The following C10orf105 variants were observed in gnomAD, a reference collection of about 807,000 sequenced individuals.
The protein encoded by C10orf105 is uncharacterized protein C10orf105.
Under a neutral mutation model 0.6 loss-of-function variants are expected in C10orf105, and 2 were observed. The ratio of observed to expected loss-of-function variants is 3.18; its 90% CI spans 1.30 to 10.01. C10orf105 has a LOEUF of 10.01. Among genes scored for constraint, C10orf105 ranks in the 30% most tolerant of loss-of-function variants. C10orf105 has a pLI of 0.04. For missense variants in C10orf105, 209 were observed against 191.4 expected (o/e 1.09, Z -0.54); for synonymous variants, 95 against 82.4 (o/e 1.15, Z -0.83).
chr10:71,724,692 G>A (rs771325318), upstream of C10orf105, among the ~76,000 whole-genome samples: 8 of 152,316 alleles, frequency 5.3e-5, no homozygotes, highest in South Asian at 4.1e-4. Context: ...CAGAGCCCAG[G>A]GCAGCCCCCA....
At chr10:71,732,693 A>G (rs1326422506) in intron 1 of C10orf105, 2 of 1,307,902 alleles carry the variant, frequency 1.5e-6, no homozygotes, top group East Asian at 3.2e-5. Context: ...CCATTTTCAT[A>G]TGTAGGAGTA....
chr10:71,722,735 T>C (rs569008970), upstream of C10orf105, among the ~76,000 whole-genome samples: 4 of 152,180 alleles, frequency 2.6e-5, no homozygotes, highest in African/African-American at 9.6e-5. Flanking sequence ...CTGAAGGAGA[T>C]GAGGGCATGA....
rs773827025 is a variant in C10orf105, at chr10:71,734,263, G to C, written c.-6+3465C>G. The C allele has an allele frequency of 4.3e-6, 7 of 1,611,798 alleles. No individual in the cohort carries two copies. The South Asian group carries it at 4.4e-5, about 10-fold the overall frequency. On this transcript the variant is annotated intron_variant, in intron 1 of 1. Transcript: ENST00000398786. ...AGGGTGTGATCACAGTCCAGGGCCT[G>C]GTGGACCGTGAGAAGGGCGACTTCT...
chr10:71,734,381 A>G (rs758946050), intron 1 of C10orf105: 15 of 1,563,242 alleles, frequency 9.6e-6, no homozygotes, highest in Admixed American at 1.9e-5. Context: ...GGTGCGGCCC[A>G]TCGCTGGCCA....
At chr10:71,726,363 T>C (rs1779657388) in intron 1 of C10orf105, among the ~76,000 whole-genome samples, 1 of 151,956 alleles carries the variant, frequency 6.6e-6, no homozygotes, top group Admixed American at 6.6e-5. Flanking sequence ...ACCCCCTGCT[T>C]CCCCCAGGCT....
At position 71,730,924 on chromosome 10, in the gene C10orf105, G is replaced by A. The variant is rs61852058; in HGVS notation, c.-6+6804C>T. On this transcript the variant is annotated intron_variant, in intron 1 of 1. Transcript: ENST00000398786. The stretch of plus-strand genomic sequence containing the variant: ...GAGAGGGGCTGGGCAGAGCTGGGAG[G>A]GGTAAAGAGGACCGGTCAGAAAGCT... Among the ~76,000 whole-genome samples, 28,048 of 152,208 alleles carry A rather than the reference G, an allele frequency of 0.18. 2,761 individuals are homozygous for A. The highest frequency in any genetic ancestry group is 0.35 in the South Asian group (1,705 of 4,820).
At chr10:71,725,626 T>A in intron 1 of C10orf105, 1 of 1,290,654 alleles carries the variant, frequency 7.7e-7, no homozygotes, top group Non-Finnish European at 1.1e-6. Flanking sequence ...GGGCCACCAC[T>A]GATTTAGGTG....
At chr10:71,732,442 T>C (rs1183519596) in intron 1 of C10orf105, 1 of 1,541,446 alleles carries the variant, frequency 6.5e-7, no homozygotes, top group Non-Finnish European at 8.8e-7. Context: ...GCTCCTTCTG[T>C]GTGCACAGCA....
upstream of C10orf105, among the ~76,000 whole-genome samples, chr10:71,723,508 T>A (rs1866656480): frequency 1.3e-5 from 2 of 152,078 alleles, no homozygotes; most frequent in South Asian, 4.2e-4. Context: ...GGGGTGATGG[T>A]GCGTGTGAAT....
intron 1 of C10orf105, chr10:71,732,731 G>GTATCCTTCTGTT: frequency 8.6e-7 from 1 of 1,160,988 alleles, no homozygotes; most frequent in Non-Finnish European, 1.1e-6. Context: ...ATGCAGGCTG[G>GTATCCTTCTGTT]TATCCTTCTG....
chr10:71,726,206 ACTCAGCAGC>A, intron 1 of C10orf105, among the ~76,000 whole-genome samples: 1 of 151,382 alleles, frequency 6.6e-6, no homozygotes, highest in Admixed American at 6.6e-5. Flanking sequence ...ACCCCTACAC[ACTCAGCAGC>A]CCCCAGCCCC....
rs1275695577 is a variant in C10orf105 at position 71,716,354 on chromosome 10, A to G, written c.-5-12T>C. On this transcript the variant is annotated splice_polypyrimidine_tract_variant and intron_variant, in intron 1 of 1. Coordinates refer to ENST00000441508, the MANE Select transcript of C10orf105 (RefSeq NM_001164375.3). ...TGTGCTCATGGCTCCTGCAACAGCAACAAGACAGAAGCTCAAAGGCAGATC... is the reference window on the plus strand; with the variant it reads ...TGTGCTCATGGCTCCTGCAACAGCAGCAAGACAGAAGCTCAAAGGCAGATC... The G allele has an allele frequency of 6.8e-7, 1 of 1,462,166 alleles. No homozygotes were observed. The highest frequency in any genetic ancestry group is 9.1e-7 in the Non-Finnish European group (1 of 1,102,974). 90.6% of individuals were successfully genotyped at this position (1,462,166 alleles called of 1,614,324 possible). A position where few individuals can be genotyped will look rare whatever the true frequency, so the allele number is the denominator to read the frequency against.
chr10:71,731,525 C>A (rs774489579), intron 1 of C10orf105, among the ~76,000 whole-genome samples: 1 of 152,012 alleles, frequency 6.6e-6, no homozygotes, highest in Non-Finnish European at 1.5e-5. Context: ...GAATTTGGGG[C>A]GTAGGGAGTG....
rs74147036 is a variant in C10orf105, at chr10:71,712,871, C to T, written c.*3065G>A. 6,246 of 1,575,764 alleles carry T rather than the reference C, an allele frequency of 4.0e-3. 244 individuals are homozygous for T. In the African/African-American group the frequency reaches 0.073, roughly 19 times the overall value. ...GGGCTGGGGGAGGCGGAGCCACACACGGCCCTGAGGGCACATGCTCAGTGG... is the reference window on the plus strand; with the variant it reads ...GGGCTGGGGGAGGCGGAGCCACACATGGCCCTGAGGGCACATGCTCAGTGG... On this transcript the variant is annotated 3_prime_UTR_variant, in exon 2 of 2. Transcript: ENST00000441508.
chr10:71,716,218 G>A lies in C10orf105; in HGVS notation c.120C>T (p.Ile40=), dbSNP rs1260424519. 5.2e-6 allele frequency: 8 copies of A among 1,550,914 alleles called. No homozygotes were observed. The highest frequency in any genetic ancestry group is 2.4e-5 in the East Asian group (1 of 40,898). Residue 40 remains isoleucine, a synonymous_variant, in exon 2 of 2, where the codon ATC becomes ATT. Transcript: ENST00000441508. ...GCAGGAGGAAGATGCAGGCCAGGGCGATGAGCATGGGGAGGGGGTCAGTTG... is the reference window on the plus strand; with the variant it reads ...GCAGGAGGAAGATGCAGGCCAGGGCAATGAGCATGGGGAGGGGGTCAGTTG... ...AEATDPLPML[I]ALACIFLLLA...
At chr10:71,726,364 C>A (rs1866810883) in intron 1 of C10orf105, among the ~76,000 whole-genome samples, 1 of 152,168 alleles carries the variant, frequency 6.6e-6, no homozygotes, top group South Asian at 2.1e-4. Flanking sequence ...CCCCCTGCTT[C>A]CCCCAGGCTG....
chr10:71,724,094 G>T (rs765153195), upstream of C10orf105: 8 of 1,558,358 alleles, frequency 5.1e-6, no homozygotes, highest in East Asian at 2.4e-5. Context: ...GTGTGGTACC[G>T]CATCCTCCAT....
intron 1 of C10orf105, among the ~76,000 whole-genome samples, chr10:71,718,657 G>T (rs1181654860): frequency 6.6e-6 from 1 of 152,256 alleles, no homozygotes; most frequent in Non-Finnish European, 1.5e-5. Context: ...TGAAATGGGA[G>T]ATGCCTCAAT....
intron 1 of C10orf105, chr10:71,730,493 A>G (rs1839335195): frequency 6.2e-7 from 1 of 1,613,748 alleles, no homozygotes; most frequent in Non-Finnish European, 8.5e-7. Flanking sequence ...GGAGGACATC[A>G]ACGATGAGGC....
Sources: allele counts gnomAD v4.1 joint callset (sites outside exome capture counted in the v4.1 genomes callset), GRCh38; gene constraint gnomAD v4.1.1; transcripts MANE v1.5; gene names NCBI Gene and HGNC (gene_info 2026-07-23, HGNC 2026-07-21).